Variants in SKAP2 observed in about 807,000 individuals in gnomAD.
The protein encoded by SKAP2 is src kinase associated phosphoprotein 2, also known as src kinase-associated phosphoprotein 2.
A neutral mutation model predicts 54.9 loss-of-function variants in SKAP2; 28 were observed. The ratio of observed to expected loss-of-function variants is 0.51; its 90% CI spans 0.38 to 0.70. The LOEUF (loss-of-function observed/expected upper bound fraction) is 0.70, where lower values mean the gene tolerates loss of function less well. SKAP2 is among the 30% of genes least tolerant of loss of function. The pLI is 0.00. For synonymous variants in SKAP2, 137 were observed against 134.3 expected (o/e 1.02, Z -0.14); for missense variants, 356 against 424.1 (o/e 0.84, Z 1.41).
intron 4 of SKAP2, among the ~76,000 whole-genome samples, chr7:26,789,485 ATTGT>A (rs1783628678): frequency 6.6e-6 from 1 of 152,198 alleles, no homozygotes; most frequent in African/African-American, 2.4e-5. Context: ...GAGATATTCA[ATTGT>A]TTGTGTTACA....
intron 4 of SKAP2, among the ~76,000 whole-genome samples, chr7:26,745,451 C>A (rs575332447): frequency 3.9e-5 from 6 of 152,298 alleles, no homozygotes; most frequent in African/African-American, 1.4e-4. Context: ...TTCATTTTCA[C>A]CTAATAGTTG....
At chr7:26,839,825 G>A (rs1050529118) in intron 4 of SKAP2, among the ~76,000 whole-genome samples, 3 of 151,926 alleles carry the variant, frequency 2.0e-5, no homozygotes, top group South Asian at 2.1e-4. Flanking sequence ...TTGTGCACAC[G>A]GACAGGTTTA....
intron 1 of SKAP2, 53 bp downstream of exon 1, chr7:26,864,310 C>T (rs1282817465): frequency 6.2e-7 from 1 of 1,610,610 alleles, no homozygotes; most frequent in African/African-American, 1.3e-5. Flanking sequence ...CACCGGCTCA[C>T]CGTTCCCTCG....
At chr7:26,814,881 T>C (rs542666678) in intron 4 of SKAP2, among the ~76,000 whole-genome samples, 2 of 152,308 alleles carry the variant, frequency 1.3e-5, no homozygotes, top group East Asian at 3.9e-4. Context: ...TTTTTGTTTA[T>C]GATCCTTACT....
rs1783982464 is a variant in SKAP2 at position 26,804,482 on chromosome 7, C to CCT, written c.307+39547_307+39548insAG. On this transcript the variant is annotated intron_variant, in intron 4 of 12. Transcript: ENST00000345317. ...CGGGCCGGGCCTGGTGGTTCAGGCCCGTAATCCCAGCACTTTGGGAGGCCA... is the reference window on the plus strand; with the variant it reads ...CGGGCCGGGCCTGGTGGTTCAGGCCCCTGTAATCCCAGCACTTTGGGAGGCCA... Among the ~76,000 whole-genome samples the CCT allele has an allele frequency of 2.0e-5, 3 of 152,052 alleles. No homozygotes were observed. The East Asian group carries it at 5.8e-4, about 29-fold the overall frequency.
At chr7:26,830,504 T>C (rs1784575715) in intron 4 of SKAP2, among the ~76,000 whole-genome samples, 1 of 152,166 alleles carries the variant, frequency 6.6e-6, no homozygotes, top group African/African-American at 2.4e-5. Flanking sequence ...AATGATCTCT[T>C]TTAACTCAAT....
chr7:26,676,131 A>G (rs1042057593), intron 11 of SKAP2, among the ~76,000 whole-genome samples: 1 of 152,222 alleles, frequency 6.6e-6, no homozygotes, highest in African/African-American at 2.4e-5. Context: ...ATATATCAAT[A>G]AGTCTAATTA....
chr7:26,799,114 A>ACAAGG (rs111943470), intron 4 of SKAP2, among the ~76,000 whole-genome samples: 2,275 of 148,864 alleles, frequency 0.015, 21 homozygotes, highest in Non-Finnish European at 0.025. Flanking sequence ...GCAAGGCAAG[A>ACAAGG]CAAGGCAAGG....
intron 4 of SKAP2, among the ~76,000 whole-genome samples, chr7:26,822,517 C>T (rs977413716): frequency 1.3e-5 from 2 of 152,066 alleles, no homozygotes; most frequent in Non-Finnish European, 2.9e-5. Flanking sequence ...TCCCCTATCT[C>T]TCTGCCTCTC....
At chr7:26,797,073 T>C (rs937418086) in intron 4 of SKAP2, among the ~76,000 whole-genome samples, 15 of 152,332 alleles carry the variant, frequency 9.8e-5, no homozygotes, top group African/African-American at 3.6e-4. Context: ...GTGTTGGACT[T>C]GACTCTAGTC....
In SKAP2 at chr7:26,678,312, C is replaced by T. The variant is rs773174797; in HGVS notation, c.987+6424G>A. Among the ~76,000 whole-genome samples the T allele has an allele frequency of 2.2e-4, 33 of 152,214 alleles. 1 individual carries two copies. Among genetic ancestry groups the T allele is most frequent in the South Asian group, 2.1e-3 (10 of 4,832 alleles). ...AACAAAAAAACAGAGTACTTTGGGA[C>T]GCACTATAAGGCAATCTGATTATTA... On this transcript the variant is annotated intron_variant, in intron 11 of 12. Transcript: ENST00000345317.
intron 10 of SKAP2, among the ~76,000 whole-genome samples, chr7:26,686,982 G>C (rs1449352887): frequency 6.6e-6 from 1 of 152,010 alleles, no homozygotes; most frequent in African/African-American, 2.4e-5. Context: ...TTTTGGCTTA[G>C]CTATGTTGTC....
At chr7:26,791,154 A>G (rs1008956252) in intron 4 of SKAP2, among the ~76,000 whole-genome samples, 6 of 152,218 alleles carry the variant, frequency 3.9e-5, no homozygotes, top group Non-Finnish European at 5.9e-5. Context: ...CAGCATTATC[A>G]TATCACATAT....
intron 4 of SKAP2, among the ~76,000 whole-genome samples, chr7:26,794,716 T>C (rs910177544): frequency 1.3e-5 from 2 of 151,912 alleles, no homozygotes; most frequent in African/African-American, 2.4e-5. Flanking sequence ...TCCAACCCCC[T>C]GCCACTGGAC....
chr7:26,838,257 C>T (rs1466944134), intron 4 of SKAP2, among the ~76,000 whole-genome samples: 2 of 152,058 alleles, frequency 1.3e-5, no homozygotes, highest in Non-Finnish European at 2.9e-5. Context: ...TGGCATTCAG[C>T]TCCTACTATA....
chr7:26,854,674 T>TAG (rs1156529893), intron 2 of SKAP2, 111 bp downstream of exon 2: 5 of 1,135,226 alleles, frequency 4.4e-6, no homozygotes, highest in African/African-American at 1.6e-5. Context: ...TAACATCAGT[T>TAG]AAACTGGAAC....
At position 26,685,279 on chromosome 7, in the gene SKAP2, T is replaced by G. The variant is rs557210504; in HGVS notation, c.875-431A>C. ...AACCATCTCACAGAATTTGGGACAC[T>G]TCATGAAAATAATAATAGTAAAGGA... On this transcript the variant is annotated intron_variant, in intron 10 of 12. Transcript: ENST00000345317. Among the ~76,000 whole-genome samples the G allele has an allele frequency of 1.6e-4, 24 of 152,074 alleles. No individual in the cohort carries two copies. In the South Asian group the frequency reaches 3.7e-3, roughly 24 times the overall value.
intron 9 of SKAP2, among the ~76,000 whole-genome samples, chr7:26,705,054 A>G (rs1306361731): frequency 3.3e-5 from 5 of 152,170 alleles, no homozygotes; most frequent in Admixed American, 1.3e-4. Flanking sequence ...CAGATGAAGT[A>G]AATTTATCCA....
Position 26,725,907 on chromosome 7 carries a change from G to T in SKAP2, c.658+16C>A, listed in dbSNP as rs767963019. On this transcript the variant is annotated intron_variant, in intron 8 of 12. Transcript: ENST00000345317. The stretch of plus-strand genomic sequence containing the variant: ...ATTTAAAGACTGTGATAACTTGTTC[G>T]ATTGATTTATCTTACCTTGCAATAC... 1.9e-6 allele frequency: 3 copies of T among 1,591,524 alleles called. No homozygotes were observed. Among genetic ancestry groups the T allele is most frequent in the Non-Finnish European group, 2.6e-6 (3 of 1,161,822 alleles).
Sources: gnomAD v4.1 joint callset for allele counts (sites outside exome capture counted in the v4.1 genomes callset) on GRCh38, gnomAD v4.1.1 for gene constraint, MANE v1.5 for transcripts, NCBI Gene and HGNC (gene_info 2026-07-23, HGNC 2026-07-21) for gene names.